ITGA1: variants seen among roughly 807,000 people sequenced by gnomAD.
ITGA1 encodes the protein integrin subunit alpha 1.
Under a neutral mutation model 145.9 loss-of-function variants are expected in ITGA1, and 85 were observed. The observed-to-expected ratio is 0.58, with a 90% CI of 0.49 to 0.70. The LOEUF is 0.70. Ranked by LOEUF, ITGA1 falls within the 30% of genes least tolerant of loss-of-function variation. The probability of loss-of-function intolerance (pLI) is 0.00; values close to 1 mark genes in which losing one functional copy is unlikely to be tolerated. For missense variants in ITGA1, 1,351 were observed against 1,418.7 expected (o/e 0.95, Z 0.77); for synonymous variants, 520 against 495.3 (o/e 1.05, Z -0.66).
chr5:52,881,157 T>G (rs1388662468), intron 6 of ITGA1, among the ~76,000 whole-genome samples: 2 of 152,210 alleles, frequency 1.3e-5, no homozygotes, highest in African/African-American at 4.8e-5. Flanking sequence ...GAAATGAGGC[T>G]GCAGCAAGGT....
At position 52,909,001 on chromosome 5, in the gene ITGA1, A is replaced by C; in HGVS notation, c.1559A>C (p.Lys520Thr). Residue 520 changes from lysine to threonine, a missense_variant, in exon 13 of 29, where the codon AAG (lysine) becomes ACG (threonine). By Grantham distance (78) the Lys-to-Thr change is moderately conservative. Transcript: ENST00000282588. The part of the protein sequence containing the change: ...VGAPMYMGTE[K>T]EEQGKVYVYA... ...GCCCCTATGTACATGGGAACAGAGA[A>C]GGAGGAGCAAGGAAAAGTGTATGTG... is the stretch of plus-strand genomic sequence containing the variant. 6.2e-7 allele frequency: 1 copy of C among 1,613,962 alleles called. No individual in the cohort carries two copies. Among genetic ancestry groups the C allele is most frequent in the South Asian group, 1.1e-5 (1 of 91,074 alleles).
chr5:52,910,757 GATTA>G (rs1011889556), intron 14 of ITGA1, among the ~76,000 whole-genome samples: 4 of 144,224 alleles, frequency 2.8e-5, no homozygotes, highest in Non-Finnish European at 4.5e-5. Context: ...GTTCCTTATA[GATTA>G]ATTACTATAT....
chr5:52,810,584 C>T (rs1261366801), intron 1 of ITGA1, among the ~76,000 whole-genome samples: 1 of 152,144 alleles, frequency 6.6e-6, no homozygotes, highest in African/African-American at 2.4e-5. Context: ...TCAGTGTGTT[C>T]TCAGCCTGAA....
chr5:52,851,339 C>T (rs1329453068), intron 2 of ITGA1, among the ~76,000 whole-genome samples: 1 of 152,052 alleles, frequency 6.6e-6, no homozygotes. Flanking sequence ...AGCCTTAGTG[C>T]CCCCATTTGA....
At chr5:52,814,042 C>A (rs1748725311) in intron 1 of ITGA1, among the ~76,000 whole-genome samples, 1 of 152,174 alleles carries the variant, frequency 6.6e-6, no homozygotes, top group Admixed American at 6.5e-5. Context: ...CCTGGACTGG[C>A]AGGACTCCAG....
At chr5:52,856,231 C>T (rs1749509312) in intron 2 of ITGA1, among the ~76,000 whole-genome samples, 1 of 152,146 alleles carries the variant, frequency 6.6e-6, no homozygotes, top group African/African-American at 2.4e-5. Context: ...TTTCCATCTT[C>T]ATTCTCCTGT....
At chr5:52,897,307 T>G in intron 9 of ITGA1, 148 bp from the exon 10 acceptor site, 3 of 608,146 alleles carry the variant, frequency 4.9e-6, no homozygotes, top group Non-Finnish European at 8.6e-6. Context: ...AATTTTGGGT[T>G]GAGAAATGTA....
intron 17 of ITGA1, among the ~76,000 whole-genome samples, chr5:52,922,381 A>G (rs891378760): frequency 2.6e-5 from 4 of 152,330 alleles, no homozygotes; most frequent in African/African-American, 9.6e-5. Context: ...AACTCATTTT[A>G]TAGAAAGTTT....
intron 12 of ITGA1, among the ~76,000 whole-genome samples, chr5:52,906,906 T>C (rs1554046101): frequency 6.6e-6 from 1 of 152,206 alleles, no homozygotes; most frequent in Non-Finnish European, 1.5e-5. Flanking sequence ...TAAAGCCCCA[T>C]GCCCTGCAGG....
chr5:52,912,750 A>ATTT (rs1290275331), intron 14 of ITGA1, among the ~76,000 whole-genome samples: 6 of 144,722 alleles, frequency 4.1e-5, no homozygotes, highest in African/African-American at 1.6e-4. Context: ...GTATATATAT[A>ATTT]TATATTTTTT....
chr5:52,946,001 A>T (rs10073432), intron 27 of ITGA1, among the ~76,000 whole-genome samples: 50,241 of 152,100 alleles, frequency 0.33, 8,539 homozygotes, highest in East Asian at 0.52. Flanking sequence ...AAAAGTACAT[A>T]TGATTCCTAA....
At chr5:52,939,187 G>A (rs904009603) in intron 24 of ITGA1, among the ~76,000 whole-genome samples, 6 of 152,162 alleles carry the variant, frequency 3.9e-5, no homozygotes, top group African/African-American at 1.4e-4. Context: ...ACAGGTGTGA[G>A]CCACTGTGGC....
chr5:52,913,778 C>T lies in ITGA1; in HGVS notation c.1858-1686C>T, dbSNP rs565719276. Among the ~76,000 whole-genome samples the T allele has an allele frequency of 6.6e-5, 10 of 152,268 alleles. No individual in the cohort carries two copies. In the South Asian group the frequency reaches 1.9e-3, roughly 28 times the overall value. On this transcript the variant is annotated intron_variant, in intron 14 of 28. Transcript: ENST00000282588. ...CTGTAGTCAACAGAGCTCTCAAAAT[C>T]TATTCATGTAATGCAAACATGAGTG...
At chr5:52,905,480 A>G (rs1730403914) in intron 11 of ITGA1, 1 of 227,340 alleles carries the variant, frequency 4.4e-6, no homozygotes, top group Admixed American at 5.3e-5. Context: ...GGGGATGTGC[A>G]ATTTTTTATG....
At position 52,922,879 on chromosome 5, in the gene ITGA1, C is replaced by G; in HGVS notation, c.2395C>G (p.His799Asp). ...TGATGATTCTCTACCAAACTCAGTA[C>G]ATGAATATGTAAGTCAGATTTCTTT... ...VLDDSLPNSV[H>D]EYIPFAKDCG... Residue 799 changes from histidine (H) to aspartate (D), a missense_variant, in exon 18 of 29, where the codon CAT (histidine) becomes GAT (aspartate). By Grantham distance (81) the His-to-Asp change is moderately conservative. Coordinates refer to ENST00000282588, the MANE Select transcript of ITGA1 (RefSeq NM_181501.2). 1 of 1,570,130 alleles carries G rather than the reference C, an allele frequency of 6.4e-7. No individual in the cohort carries two copies. Among genetic ancestry groups the G allele is most frequent in the Non-Finnish European group, 8.8e-7 (1 of 1,140,168 alleles).
rs1327707656 is a variant in ITGA1, at chr5:52,952,547, T to G, written c.*96T>G. 2.1e-5 allele frequency: 11 copies of G among 520,486 alleles called. 1 individual carries two copies. In the South Asian group the frequency reaches 3.3e-4, roughly 16 times the overall value. The allele number at this position is 520,486 out of a possible 1,614,324, so 32.2% of individuals were successfully genotyped here. A position where few individuals can be genotyped will look rare whatever the true frequency, so the allele number is the denominator to read the frequency against. On this transcript the variant is annotated 3_prime_UTR_variant, in exon 29 of 29. Coordinates refer to ENST00000282588, the MANE Select transcript of ITGA1 (RefSeq NM_181501.2). ...AAGAAATGTATAATTCATGACATAG[T>G]CATGTAACTATGTAATCCATCAGGG...
At chr5:52,827,361 T>C (rs915395074) in intron 1 of ITGA1, among the ~76,000 whole-genome samples, 1 of 152,172 alleles carries the variant, frequency 6.6e-6, no homozygotes, top group Non-Finnish European at 1.5e-5. Context: ...TGTCTTGAGA[T>C]GAAATCAATT....
intron 6 of ITGA1, among the ~76,000 whole-genome samples, chr5:52,875,518 A>T (rs749220592): frequency 6.6e-6 from 1 of 152,196 alleles, no homozygotes; most frequent in Non-Finnish European, 1.5e-5. Flanking sequence ...CTTAATCAAG[A>T]GGTTTAAACC....
chr5:52,872,390 C>A lies in ITGA1; in HGVS notation c.624+6573C>A, dbSNP rs183463100. Among the ~76,000 whole-genome samples, 9 of 152,078 alleles carry A rather than the reference C, an allele frequency of 5.9e-5. No individual in the cohort carries two copies. In the East Asian group the frequency reaches 1.7e-3, roughly 29 times the overall value. On this transcript the variant is annotated intron_variant, in intron 6 of 28. Coordinates refer to ENST00000282588, the MANE Select transcript of ITGA1 (RefSeq NM_181501.2). ...TTCTCCCACCCCTCCAGCCATCAGG[C>A]ACTAGAATAATCATTCCGAAGTGAG...
Sources: allele counts gnomAD v4.1 joint callset (sites outside exome capture counted in the v4.1 genomes callset), GRCh38; gene constraint gnomAD v4.1.1; transcripts MANE v1.5; gene names NCBI Gene and HGNC (gene_info 2026-07-23, HGNC 2026-07-21).